The following TAFA2 variants were observed in gnomAD, a reference collection of about 807,000 sequenced individuals.
TAFA2 encodes the protein chemokine-like protein TAFA-2.
In TAFA2, 7 loss-of-function variants were observed where a neutral mutation model predicts 18.8. The observed-to-expected ratio is 0.37, with a 90% CI of 0.21 to 0.70. The LOEUF (loss-of-function observed/expected upper bound fraction) is 0.70. TAFA2 is among the 30% of genes least tolerant of loss of function. The pLI, the probability that TAFA2 is intolerant of heterozygous loss-of-function variation, is 0.53. For missense variants in TAFA2, 122 were observed against 158.1 expected (o/e 0.77, Z 1.23); for synonymous variants, 60 against 54.2 (o/e 1.11, Z -0.47).
intron 1 of TAFA2, among the ~76,000 whole-genome samples, chr12:61,979,583 G>A (rs911628518): frequency 6.6e-6 from 1 of 152,010 alleles, no homozygotes; most frequent in East Asian, 1.9e-4. Flanking sequence ...GCAACCCACT[G>A]AAGTACTGCC....
chr12:61,747,321 T>A (rs1348339126), intron 4 of TAFA2, among the ~76,000 whole-genome samples: 1 of 142,790 alleles, frequency 7.0e-6, no homozygotes, highest in Non-Finnish European at 1.5e-5. Context: ...TCCTCAGGGA[T>A]CTATAACTGG....
chr12:61,897,012 T>C (rs1875876520), intron 1 of TAFA2, among the ~76,000 whole-genome samples: 1 of 152,164 alleles, frequency 6.6e-6, no homozygotes, highest in Admixed American at 6.5e-5. Flanking sequence ...ATATTACTTT[T>C]CCATATTATT....
At chr12:62,035,812 A>G (rs1232339877) in intron 1 of TAFA2, among the ~76,000 whole-genome samples, 12 of 129,444 alleles carry the variant, frequency 9.3e-5, no homozygotes, top group Admixed American at 3.8e-4. Flanking sequence ...CGCGATCTCG[A>G]CTCACTGCAA....
intron 1 of TAFA2, among the ~76,000 whole-genome samples, chr12:62,005,498 A>G (rs531212752): frequency 6.6e-6 from 1 of 152,234 alleles, no homozygotes; most frequent in African/African-American, 2.4e-5. Flanking sequence ...GAGGAAATGC[A>G]TGTTTAATTC....
intron 4 of TAFA2, among the ~76,000 whole-genome samples, chr12:61,714,576 T>C (rs1044351290): frequency 2.0e-5 from 3 of 152,216 alleles, no homozygotes; most frequent in African/African-American, 7.2e-5. Flanking sequence ...TTTAAGTCTG[T>C]TCAACAATTT....
chr12:62,187,076 T>C (rs2062591168), intron 1 of TAFA2, among the ~76,000 whole-genome samples: 1 of 152,132 alleles, frequency 6.6e-6, no homozygotes, highest in Non-Finnish European at 1.5e-5. Flanking sequence ...TACACGCCAA[T>C]GTAATACATA....
intron 1 of TAFA2, among the ~76,000 whole-genome samples, chr12:62,093,902 CT>C (rs1868830377): frequency 6.6e-6 from 1 of 151,898 alleles, no homozygotes; most frequent in Non-Finnish European, 1.5e-5. Flanking sequence ...GTCAAATTTC[CT>C]TGTAAAAGAT....
At chr12:61,767,084 A>G (rs1444357279) in intron 2 of TAFA2, among the ~76,000 whole-genome samples, 2 of 152,124 alleles carry the variant, frequency 1.3e-5, no homozygotes, top group Non-Finnish European at 2.9e-5. Context: ...GTAGTAAAGA[A>G]AAAAGTGACA....
intron 1 of TAFA2, among the ~76,000 whole-genome samples, chr12:62,041,280 G>C (rs1468656287): frequency 1.3e-5 from 2 of 151,958 alleles, no homozygotes; most frequent in Admixed American, 6.6e-5. Context: ...CAAGATCAGA[G>C]AGCTTTGAAA....
chr12:61,727,796 G>A (rs1341355233), intron 4 of TAFA2, among the ~76,000 whole-genome samples: 4 of 151,802 alleles, frequency 2.6e-5, no homozygotes, highest in Non-Finnish European at 4.4e-5. Flanking sequence ...CTTATGGTGT[G>A]ACCTTAGATT....
chr12:62,111,521 A>G (rs571730747), intron 1 of TAFA2, among the ~76,000 whole-genome samples: 1 of 152,322 alleles, frequency 6.6e-6, no homozygotes, highest in South Asian at 2.1e-4. Context: ...TCCAGAGCTG[A>G]GTTCAAGTCC....
chr12:62,219,899 C>T (rs2062753547), intron 1 of TAFA2, among the ~76,000 whole-genome samples: 1 of 152,100 alleles, frequency 6.6e-6, no homozygotes, highest in African/African-American at 2.4e-5. Context: ...TAGATATGAA[C>T]TATTTTTAAA....
chr12:62,243,751 C>A (rs967300560), intron 1 of TAFA2, among the ~76,000 whole-genome samples: 4 of 152,192 alleles, frequency 2.6e-5, no homozygotes, highest in Admixed American at 2.6e-4. Flanking sequence ...TGAACCATTA[C>A]AACATCTGCT....
At chr12:62,110,591 G>C (rs190288114) in intron 1 of TAFA2, among the ~76,000 whole-genome samples, 90 of 145,658 alleles carry the variant, frequency 6.2e-4, no homozygotes, top group Admixed American at 2.4e-3. Context: ...GAATTCAGCT[G>C]TGAATCCATC....
intron 1 of TAFA2, among the ~76,000 whole-genome samples, chr12:62,020,621 A>G (rs567727192): frequency 6.6e-6 from 1 of 152,300 alleles, no homozygotes; most frequent in East Asian, 1.9e-4. Flanking sequence ...TACAAACCAA[A>G]CTGTAAAGAC....
At position 61,798,141 on chromosome 12, in the gene TAFA2, A is replaced by G. The variant is rs74095454; in HGVS notation, c.107-43117T>C. 3.3e-3 allele frequency among the ~76,000 whole-genome samples: 506 copies of G among 152,230 alleles called. 2 individuals are homozygous for G. The highest frequency in any genetic ancestry group is 0.012 in the African/African-American group (498 of 41,544). On this transcript the variant is annotated intron_variant, in intron 2 of 4. Transcript: ENST00000416284. Reference sequence around the variant, plus strand: ...TTCACATTATGAACAATGTATTCATATGTTTTATTATTCTTTTTTTTGGTT... The same window carrying G: ...TTCACATTATGAACAATGTATTCATGTGTTTTATTATTCTTTTTTTTGGTT...
chr12:62,242,414 A>G (rs1456688639), intron 1 of TAFA2: 1 of 152,140 alleles, frequency 6.6e-6, no homozygotes, highest in Non-Finnish European at 1.5e-5. Context: ...GCATAGCCAT[A>G]AGATGCAGAC....
intron 1 of TAFA2, among the ~76,000 whole-genome samples, chr12:62,043,932 C>G (rs1881837989): frequency 6.6e-6 from 1 of 152,112 alleles, no homozygotes; most frequent in African/African-American, 2.4e-5. Flanking sequence ...CGAGGGAAAG[C>G]ACAGAAAAGT....
intron 2 of TAFA2, among the ~76,000 whole-genome samples, chr12:61,760,832 GAACA>G (rs1364906081): frequency 1.6e-5 from 2 of 125,010 alleles, no homozygotes; most frequent in African/African-American, 3.1e-5. Flanking sequence ...AAATGAAAAA[GAACA>G]AACAATTTTA....
Sources: gnomAD v4.1 joint callset for allele counts (sites outside exome capture counted in the v4.1 genomes callset) on GRCh38, gnomAD v4.1.1 for gene constraint, MANE v1.5 for transcripts, NCBI Gene and HGNC (gene_info 2026-07-23, HGNC 2026-07-21) for gene names.